FRS2: variants seen among roughly 807,000 people sequenced by gnomAD.
The protein encoded by FRS2 is fibroblast growth factor receptor substrate 2, also known as FGFR signalling adaptor.
FRS2 carries 8 observed loss-of-function variants against 43.9 expected under a neutral mutation model. The ratio of observed to expected loss-of-function variants is 0.18; its 90% CI spans 0.11 to 0.33. FRS2 has a LOEUF of 0.33. FRS2 is among the 10% of genes least tolerant of loss of function. The pLI, the probability that FRS2 is intolerant of heterozygous loss-of-function variation, is 1.00. For missense variants in FRS2, 534 were observed against 627.6 expected, an observed-to-expected ratio of 0.85 and a Z score of 1.59; for synonymous variants, 219 against 220.3, an observed-to-expected ratio of 0.99 and a Z score of 0.05.
chr12:69,539,415 A>T (rs890513496), intron 3 of FRS2, among the ~76,000 whole-genome samples: 2 of 152,180 alleles, frequency 1.3e-5, no homozygotes, highest in African/African-American at 4.8e-5. Context: ...ATTTGCATAT[A>T]CATAATGAGA....
chr12:69,540,479 A>T (rs1025890102), intron 3 of FRS2, among the ~76,000 whole-genome samples: 1 of 152,114 alleles, frequency 6.6e-6, no homozygotes, highest in Admixed American at 6.5e-5. Flanking sequence ...ATAAAGTAGT[A>T]TTGAATTATA....
rs1314301157 is a variant in FRS2 at position 69,554,947 on chromosome 12, A to G, written c.-121-7233A>G. ...TGATCTTGAATTCCTGGGCTCAAGC[A>G]GTCCTCCCTACTTGGCCTCCTAAAG... On this transcript the variant is annotated intron_variant, in intron 3 of 8. Transcript: ENST00000549921. Among the ~76,000 whole-genome samples the G allele has an allele frequency of 3.3e-5, 5 of 151,124 alleles. No homozygotes were observed. The East Asian group carries it at 7.8e-4, about 24-fold the overall frequency.
intron 1 of FRS2, among the ~76,000 whole-genome samples, chr12:69,513,976 G>A (rs1463603140): frequency 3.3e-5 from 5 of 151,810 alleles, no homozygotes; most frequent in Non-Finnish European, 5.9e-5. Context: ...AATAAAATTC[G>A]AAGTCTTCCC....
intron 1 of FRS2, among the ~76,000 whole-genome samples, chr12:69,494,566 C>G (rs1872721850): frequency 6.6e-6 from 1 of 152,160 alleles, no homozygotes; most frequent in Non-Finnish European, 1.5e-5. Context: ...CCAGATACTT[C>G]TTTGTTGTGG....
At chr12:69,559,147 A>C (rs1017810104) in intron 3 of FRS2, among the ~76,000 whole-genome samples, 1 of 152,192 alleles carries the variant, frequency 6.6e-6, no homozygotes, top group Non-Finnish European at 1.5e-5. Flanking sequence ...CTTAAAAGAA[A>C]TGCCACTTTA....
At chr12:69,513,222 CT>C (rs1164445619) in intron 1 of FRS2, among the ~76,000 whole-genome samples, 1 of 149,438 alleles carries the variant, frequency 6.7e-6, no homozygotes, top group African/African-American at 2.5e-5. Context: ...ATTCTTCTTT[CT>C]TTTTTCCTAA....
In FRS2 at chr12:69,576,068, A is replaced by G. The variant is rs771847101; in HGVS notation, c.*1113A>G. On this transcript the variant is annotated 3_prime_UTR_variant, in exon 9 of 9. Transcript: ENST00000549921. The stretch of plus-strand genomic sequence containing the variant: ...TCCAATTCTAAATTTGCTTGTGTCC[A>G]TAGGTGATCTCTTTAGCAAACTGAG... 1 of 152,602 alleles carries G rather than the reference A, an allele frequency of 6.6e-6. No homozygotes were observed. The highest frequency in any genetic ancestry group is 1.5e-5 in the Non-Finnish European group (1 of 68,036). The allele number at this position is 152,602 out of a possible 1,614,324, so 9.5% of individuals were successfully genotyped here.
At chr12:69,485,390 G>A (rs1871828064) in intron 1 of FRS2, among the ~76,000 whole-genome samples, 1 of 152,010 alleles carries the variant, frequency 6.6e-6, no homozygotes, top group South Asian at 2.1e-4. Flanking sequence ...CACCGTGTTA[G>A]CCAGGATGGT....
rs745958541 is a variant in FRS2 at position 69,574,780 on chromosome 12, A to G, written c.1352A>G (p.Gln451Arg). ...GGTGGCAGTGACTCTGACAACCCTC[A>G]GACTCCAAAAACGCCTACAACTCCC... is the stretch of plus-strand genomic sequence containing the variant. ...LEGGSDSDNP[Q>R]TPKTPTTPLP... The change falls in exon 9 of 9, where the codon CAG becomes CGG. Residue 451 changes from glutamine (Q) to arginine (R), a missense_variant. Physicochemically the swap from Gln to Arg is conservative, Grantham distance 43. This residue lies in a region of FRS2 where 446 missense variants were observed against 494.2 expected (regional missense o/e 0.90). Transcript: ENST00000549921. The G allele has an allele frequency of 2.5e-6, 4 of 1,614,174 alleles. No individual in the cohort carries two copies. In the South Asian group the frequency reaches 3.3e-5, roughly 13 times the overall value.
intron 1 of FRS2, among the ~76,000 whole-genome samples, chr12:69,499,876 A>C (rs1336464625): frequency 6.6e-6 from 1 of 152,160 alleles, no homozygotes; most frequent in Non-Finnish European, 1.5e-5. Flanking sequence ...TCTGGAGCTT[A>C]GTTGAGAATT....
At chr12:69,571,089 G>A (rs941708971) in intron 6 of FRS2, among the ~76,000 whole-genome samples, 187 bp from the exon 7 acceptor site, 2 of 152,130 alleles carry the variant, frequency 1.3e-5, no homozygotes, top group African/African-American at 4.8e-5. Context: ...AAATTATTCT[G>A]TGAACTTTTG....
At chr12:69,484,869 G>A (rs1262643681) in intron 1 of FRS2, among the ~76,000 whole-genome samples, 1 of 152,052 alleles carries the variant, frequency 6.6e-6, no homozygotes, top group Non-Finnish European at 1.5e-5. Flanking sequence ...CAAGAAAATT[G>A]TGCATCTTTT....
intron 1 of FRS2, among the ~76,000 whole-genome samples, chr12:69,471,644 T>A (rs1870307106): frequency 6.6e-6 from 1 of 152,268 alleles, no homozygotes; most frequent in African/African-American, 2.4e-5. Context: ...TAGTAAACTT[T>A]ACTGCTGAAA....
At chr12:69,474,798 A>G (rs1592899661) in intron 1 of FRS2, among the ~76,000 whole-genome samples, 2 of 152,334 alleles carry the variant, frequency 1.3e-5, no homozygotes, top group East Asian at 3.9e-4. Context: ...TATTTCACTT[A>G]TTTATGTGTA....
intron 3 of FRS2, among the ~76,000 whole-genome samples, chr12:69,540,620 T>TA (rs1877819016): frequency 2.0e-5 from 3 of 152,162 alleles, no homozygotes; most frequent in Non-Finnish European, 4.4e-5. Flanking sequence ...CCAAATAATG[T>TA]ATGTCAATAC....
chr12:69,522,022 A>G (rs1274383215), intron 1 of FRS2, among the ~76,000 whole-genome samples: 1 of 152,182 alleles, frequency 6.6e-6, no homozygotes, highest in African/African-American at 2.4e-5. Context: ...TATGTGATGA[A>G]TCACATTTAT....
At chr12:69,560,433 A>C (rs1671287950) in intron 3 of FRS2, among the ~76,000 whole-genome samples, 2 of 152,248 alleles carry the variant, frequency 1.3e-5, no homozygotes, top group African/African-American at 4.8e-5. Context: ...TTTCACAGCT[A>C]ACATGTACTA....
rs185427342 is a variant in FRS2 at position 69,499,390 on chromosome 12, T to C, written c.-261+28860T>C. 5.6e-4 allele frequency among the ~76,000 whole-genome samples: 85 copies of C among 152,240 alleles called. 1 individual carries two copies. Among genetic ancestry groups the C allele is most frequent in the Middle Eastern group, 3.4e-3 (1 of 294 alleles). On this transcript the variant is annotated intron_variant, in intron 1 of 8. Coordinates refer to ENST00000549921, the MANE Select transcript of FRS2 (RefSeq NM_001278356.2). ...TATTTTTTTCTTGATGATAAAAATA[T>C]AGAAAACATACAAAGTTACAGGAAA...
At position 69,530,974 on chromosome 12, in the gene FRS2, A is replaced by G. The variant is rs1876728392; in HGVS notation, c.-165+14A>G. 6.7e-6 allele frequency: 1 copy of G among 149,010 alleles called. No individual in the cohort carries two copies. Among genetic ancestry groups the G allele is most frequent in the Non-Finnish European group, 1.5e-5 (1 of 67,842 alleles). 9.2% of individuals were successfully genotyped at this position (149,010 alleles called of 1,614,324 possible). A position where few individuals can be genotyped will look rare whatever the true frequency, so the allele number is the denominator to read the frequency against. On this transcript the variant is annotated intron_variant, in intron 2 of 8. Coordinates refer to ENST00000549921, the MANE Select transcript of FRS2 (RefSeq NM_001278356.2). ...TCAACCAGCTTGGTAAGTGTGGCCA[A>G]ATCTTTTTTTTTTTTTTTTTAACTT...
Sources: allele counts gnomAD v4.1 joint callset (sites outside exome capture counted in the v4.1 genomes callset), GRCh38; gene constraint gnomAD v4.1.1; regional missense constraint gnomAD v4.1.1; transcripts MANE v1.5; gene names NCBI Gene and HGNC (gene_info 2026-07-23, HGNC 2026-07-21).